Variants in DYNC2I1 observed in about 807,000 individuals in gnomAD.
DYNC2I1 encodes cytoplasmic dynein 2 intermediate chain 1.
DYNC2I1 carries 89 observed loss-of-function variants against 133.4 expected under a neutral mutation model. The ratio of observed to expected loss-of-function variants is 0.67; its 90% CI spans 0.56 to 0.80. DYNC2I1 has a LOEUF of 0.80. Ranked by LOEUF, DYNC2I1 falls within the 30% of genes least tolerant of loss-of-function variation. The pLI is 0.00. For missense variants in DYNC2I1, 1,291 were observed against 1,314.5 expected (o/e 0.98, Z 0.28); for synonymous variants, 504 against 484.3 (o/e 1.04, Z -0.54).
intron 14 of DYNC2I1, among the ~76,000 whole-genome samples, chr7:158,915,805 G>A (rs1324772252): frequency 2.7e-4 from 40 of 146,028 alleles, no homozygotes; most frequent in Non-Finnish European, 3.6e-4. Flanking sequence ...ACGTCGACAC[G>A]CTGGTTGACA....
In DYNC2I1 at chr7:158,945,333, G is replaced by A. The variant is rs763684107; in HGVS notation, c.3003-248G>A. 6.6e-6 allele frequency among the ~76,000 whole-genome samples: 1 copy of A among 152,146 alleles called. No homozygotes were observed. Among genetic ancestry groups the A allele is most frequent in the Admixed American group, 6.5e-5 (1 of 15,276 alleles). ...GACCTGCTGGGGGCTACTGACTCCC[G>A]GCCTGAGGAGACAGCAGCACGTCCT... On this transcript the variant is annotated intron_variant, in intron 24 of 24. Transcript: ENST00000407559. The surrounding 1 kb of genome is among the most constrained non-coding windows in gnomAD (Gnocchi z 4.1).
At chr7:158,893,929 T>C (rs1845492502) in intron 8 of DYNC2I1, among the ~76,000 whole-genome samples, 1 of 151,942 alleles carries the variant, frequency 6.6e-6, no homozygotes, top group Non-Finnish European at 1.5e-5. Context: ...CCATCTATCA[T>C]AGTGCTTATT....
chr7:158,861,232 G>A, intron 1 of DYNC2I1, among the ~76,000 whole-genome samples: 1 of 152,200 alleles, frequency 6.6e-6, no homozygotes, highest in Middle Eastern at 3.2e-3. Flanking sequence ...ATTCAGGAGT[G>A]TCTTTGAAAA....
At chr7:158,864,153 G>A (rs968402861) in intron 1 of DYNC2I1, among the ~76,000 whole-genome samples, 7 of 151,984 alleles carry the variant, frequency 4.6e-5, no homozygotes, top group African/African-American at 9.7e-5. Context: ...AGCTCTGGGT[G>A]TGGCGGGGAA....
At chr7:158,926,331 T>A in intron 18 of DYNC2I1, 31 bp downstream of exon 18, 1 of 1,602,990 alleles carries the variant, frequency 6.2e-7, no homozygotes, top group East Asian at 2.2e-5. Flanking sequence ...TTAAAATCCT[T>A]CATCAATGGT....
chr7:158,886,602 T>C (rs1423662610), intron 6 of DYNC2I1, among the ~76,000 whole-genome samples: 1 of 152,132 alleles, frequency 6.6e-6, no homozygotes, highest in East Asian at 1.9e-4. Flanking sequence ...TGAAACAGTT[T>C]TTTAAAAAAA....
intron 7 of DYNC2I1, among the ~76,000 whole-genome samples, chr7:158,889,036 TAC>T (rs71200077): frequency 0.084 from 11,905 of 141,118 alleles, 791 homozygotes; most frequent in African/African-American, 0.19. Flanking sequence ...TTTAAACATT[TAC>T]ACACACACAC....
chr7:158,871,686 T>C, intron 3 of DYNC2I1, 124 bp downstream of exon 3: 2 of 1,157,166 alleles, frequency 1.7e-6, no homozygotes, highest in Non-Finnish European at 2.4e-6. Context: ...TTTCCTTTTT[T>C]TTCTGGACAG....
intron 15 of DYNC2I1, among the ~76,000 whole-genome samples, chr7:158,919,288 C>A (rs1363943408): frequency 2.0e-5 from 3 of 152,200 alleles, no homozygotes; most frequent in Non-Finnish European, 2.9e-5. Context: ...TAGTTACAAG[C>A]AAGACGCTTA....
chr7:158,949,320 G>T (rs559315655), downstream of DYNC2I1, among the ~76,000 whole-genome samples: 1 of 152,384 alleles, frequency 6.6e-6, no homozygotes, highest in Admixed American at 6.5e-5. Flanking sequence ...TAGAATATCT[G>T]AGAGACAGTG....
Position 158,914,230 on chromosome 7 carries a change from T to C in DYNC2I1, c.1703-3T>C, listed in dbSNP as rs587777066. ...TTGATTTTATATAAACTGTTTTTTT[T>C]AGGCAGTGAACAAAGAGATACCTCT... is the stretch of plus-strand genomic sequence containing the variant. On this transcript the variant is annotated splice_polypyrimidine_tract_variant and splice_region_variant and intron_variant, in intron 13 of 24. Coordinates refer to ENST00000407559, the MANE Select transcript of DYNC2I1 (RefSeq NM_018051.5). 6.2e-7 allele frequency: 1 copy of C among 1,607,754 alleles called. No homozygotes were observed. Among genetic ancestry groups the C allele is most frequent in the Non-Finnish European group, 8.5e-7 (1 of 1,176,780 alleles).
At chr7:158,909,085 C>T (rs915558922) in intron 11 of DYNC2I1, among the ~76,000 whole-genome samples, 5 of 152,028 alleles carry the variant, frequency 3.3e-5, no homozygotes, top group Admixed American at 2.6e-4. Context: ...AATCCCAGCA[C>T]TTTGGAAGAC....
chr7:158,957,814 T>C (rs2129490619), downstream of DYNC2I1, among the ~76,000 whole-genome samples: 1 of 152,282 alleles, frequency 6.6e-6, no homozygotes, highest in South Asian at 2.1e-4. Flanking sequence ...GGCGTGTCAC[T>C]TTTTACACAA....
downstream of DYNC2I1, among the ~76,000 whole-genome samples, chr7:158,947,224 C>G (rs1295464466): frequency 6.6e-6 from 1 of 152,186 alleles, no homozygotes; most frequent in Non-Finnish European, 1.5e-5. Context: ...CCTCTCTCTG[C>G]ATCTTCGCGG....
intron 17 of DYNC2I1, 50 bp downstream of exon 17, chr7:158,923,783 G>A: frequency 1.9e-6 from 3 of 1,575,158 alleles, no homozygotes; most frequent in Non-Finnish European, 2.6e-6. Context: ...AAGCCACACG[G>A]ATTTGAGGAA....
upstream of DYNC2I1, chr7:158,856,552 C>A: frequency 1.9e-6 from 1 of 520,328 alleles, no homozygotes; most frequent in Non-Finnish European, 2.9e-6. Flanking sequence ...GATGCGCAGG[C>A]GCACTGGGAG....
At chr7:158,944,664 G>A (rs752391924) in intron 24 of DYNC2I1, among the ~76,000 whole-genome samples, 2 of 152,194 alleles carry the variant, frequency 1.3e-5, no homozygotes, top group African/African-American at 4.8e-5. Context: ...TCAGGTAGCT[G>A]TCAGGTTGGA....
chr7:158,944,980 T>C (rs1219226973), intron 24 of DYNC2I1, among the ~76,000 whole-genome samples: 1 of 152,082 alleles, frequency 6.6e-6, no homozygotes, highest in Non-Finnish European at 1.5e-5. Context: ...TTTGAGAGTC[T>C]CTGTCAGCCT....
rs560998635 is a variant in DYNC2I1 at position 158,887,198 on chromosome 7, C to T, written c.990+123C>T. The T allele has an allele frequency of 3.7e-5, 35 of 935,708 alleles. No homozygotes were observed. The Middle Eastern group carries it at 8.5e-4, about 23-fold the overall frequency. 58.0% of individuals were successfully genotyped at this position (935,708 alleles called of 1,614,324 possible). A position where few individuals can be genotyped will look rare whatever the true frequency, so the allele number is the denominator to read the frequency against. On this transcript the variant is annotated intron_variant, in intron 7 of 24. Coordinates refer to ENST00000407559, the MANE Select transcript of DYNC2I1 (RefSeq NM_018051.5). ...AGGGCTCATTTGCAGATGGTTTATT[C>T]GAGTGGTGATCCCAGAAGGCACACT...
Sources: gnomAD v4.1 joint callset for allele counts (sites outside exome capture counted in the v4.1 genomes callset) on GRCh38, gnomAD v4.1.1 for gene constraint, Gnocchi (gnomAD v3.1) non-coding constraint, MANE v1.5 for transcripts, NCBI Gene and HGNC (gene_info 2026-07-23, HGNC 2026-07-21) for gene names.